Variants in MGST2 observed in about 807,000 individuals in gnomAD.
MGST2 encodes glutathione peroxidase MGST2.
Under a neutral mutation model 16.6 loss-of-function variants are expected in MGST2, and 9 were observed. The ratio of observed to expected loss-of-function variants is 0.54; its 90% CI spans 0.33 to 0.95. MGST2 has a LOEUF of 0.95. Ranked by LOEUF, MGST2 falls within the 40% of genes least tolerant of loss-of-function variation. The pLI is 0.03. For missense variants in MGST2, 159 were observed against 175.1 expected (o/e 0.91, Z 0.52); for synonymous variants, 79 against 68.0 (o/e 1.16, Z -0.79).
chr4:139,709,006 AAAAAAAAAAG>A (rs1158737528), downstream of MGST2, among the ~76,000 whole-genome samples: 1 of 150,348 alleles, frequency 6.7e-6, no homozygotes, highest in African/African-American at 2.4e-5. Flanking sequence ...TCTCAAAAAA[AAAAAAAAAAG>A]AAAAAGAAAA....
intron 1 of MGST2, among the ~76,000 whole-genome samples, chr4:139,667,280 G>T (rs1356398903): frequency 6.6e-6 from 1 of 152,092 alleles, no homozygotes; most frequent in Non-Finnish European, 1.5e-5. Flanking sequence ...ATGTCAGAAG[G>T]CAGCTTTAGG....
the MGST2 span, among the ~76,000 whole-genome samples, chr4:139,749,091 T>A: frequency 6.6e-6 from 1 of 152,168 alleles, no homozygotes; most frequent in Non-Finnish European, 1.5e-5. Flanking sequence ...TGGAAAAATA[T>A]ATTTCCTTCC....
At chr4:139,727,683 T>C (rs1301979014) in intron 5 of MGST2, among the ~76,000 whole-genome samples, 1 of 152,240 alleles carries the variant, frequency 6.6e-6, no homozygotes, top group Non-Finnish European at 1.5e-5. Context: ...TTTTGGAGAA[T>C]ACGGCATTAA....
intron 1 of MGST2, among the ~76,000 whole-genome samples, chr4:139,673,403 A>C (rs1730806062): frequency 6.7e-6 from 1 of 149,744 alleles, no homozygotes; most frequent in African/African-American, 2.5e-5. Flanking sequence ...CAAGGGTTTT[A>C]AAATTTTATT....
chr4:139,699,422 A>G (rs1393573009), intron 3 of MGST2, among the ~76,000 whole-genome samples: 1 of 152,212 alleles, frequency 6.6e-6, no homozygotes, highest in African/African-American at 2.4e-5. Flanking sequence ...AAATTTGCGT[A>G]TATTTTATGA....
At chr4:139,673,554 G>A (rs553759554) in intron 1 of MGST2, among the ~76,000 whole-genome samples, 1 of 152,238 alleles carries the variant, frequency 6.6e-6, no homozygotes, top group South Asian at 2.1e-4. Context: ...CTACAGGCGT[G>A]CACCATCACC....
At chr4:139,748,509 T>G in the MGST2 span, among the ~76,000 whole-genome samples, 1 of 151,790 alleles carries the variant, frequency 6.6e-6, no homozygotes, top group Non-Finnish European at 1.5e-5. Flanking sequence ...AATGCATCAG[T>G]GGAAATGAGT....
intron 3 of MGST2, among the ~76,000 whole-genome samples, chr4:139,702,239 A>G (rs533380081): frequency 4.6e-5 from 7 of 152,298 alleles, no homozygotes; most frequent in Middle Eastern, 3.4e-3. Flanking sequence ...TAAATCTTCA[A>G]TGAATGTTGA....
intron 2 of MGST2, among the ~76,000 whole-genome samples, chr4:139,693,666 C>T (rs534221546): frequency 4.6e-4 from 70 of 152,194 alleles, no homozygotes; most frequent in Non-Finnish European, 8.4e-4. Flanking sequence ...ATGCCAAGAA[C>T]GAGAAGCAGC....
intron 1 of MGST2, among the ~76,000 whole-genome samples, chr4:139,667,258 T>C (rs795599): frequency 0.58 from 87,738 of 151,902 alleles, 27,176 homozygotes; most frequent in East Asian, 0.86. Context: ...ACCTTTAGGC[T>C]GAACTTAAAA....
chr4:139,699,836 C>G (rs1727139518), intron 3 of MGST2, among the ~76,000 whole-genome samples: 1 of 152,084 alleles, frequency 6.6e-6, no homozygotes, highest in Non-Finnish European at 1.5e-5. Flanking sequence ...GCCAGAAATT[C>G]ACGACCAGCC....
At chr4:139,694,547 T>C (rs1726808801) in intron 2 of MGST2, among the ~76,000 whole-genome samples, 1 of 152,188 alleles carries the variant, frequency 6.6e-6, no homozygotes, top group South Asian at 2.1e-4. Context: ...TTAATTATAG[T>C]TCCCAGAGAA....
At chr4:139,730,430 TCTGCTG>T (rs3051167) in intron 5 of MGST2, 940 of 1,194,966 alleles carry the variant, frequency 7.9e-4, no homozygotes, top group Middle Eastern at 1.4e-3. Flanking sequence ...TCCGCCAAAA[TCTGCTG>T]CTGCTGCTGC....
rs980999980 is a variant in MGST2 at position 139,703,902 on chromosome 4, G to A, written c.312-114G>A. ...TGTGATGAGCTAAAATTTTCAAATT[G>A]CAAAAATATAGAAGTTCTGGACAGT... is the stretch of plus-strand genomic sequence containing the variant. On this transcript the variant is annotated intron_variant, in intron 4 of 4. Coordinates refer to ENST00000265498, the MANE Select transcript of MGST2 (RefSeq NM_002413.5). 10 of 1,395,688 alleles carry A rather than the reference G, an allele frequency of 7.2e-6. No individual in the cohort carries two copies. The African/African-American group carries it at 1.1e-4, about 16-fold the overall frequency. The allele number at this position is 1,395,688 out of a possible 1,614,324, so 86.5% of individuals were successfully genotyped here.
chr4:139,668,081 C>T (rs1228704223), intron 1 of MGST2, among the ~76,000 whole-genome samples: 1 of 152,058 alleles, frequency 6.6e-6, no homozygotes, highest in Non-Finnish European at 1.5e-5. Context: ...TCCCAAAAGG[C>T]GGGACAACTG....
chr4:139,683,915 TTG>T, intron 2 of MGST2, among the ~76,000 whole-genome samples: 1 of 148,184 alleles, frequency 6.7e-6, no homozygotes, highest in East Asian at 2.0e-4. Context: ...ACCATCAGTT[TTG>T]TGTTTTTTTT....
intron 1 of MGST2, among the ~76,000 whole-genome samples, chr4:139,675,728 G>A (rs1730925490): frequency 6.6e-6 from 1 of 152,192 alleles, no homozygotes; most frequent in Non-Finnish European, 1.5e-5. Context: ...GCGCCGGGGA[G>A]GATTTTCCTT....
At chr4:139,685,154 T>G (rs886663059) in intron 2 of MGST2, 1 of 152,404 alleles carries the variant, frequency 6.6e-6, no homozygotes, top group Admixed American at 6.5e-5. Context: ...GTGCTGTCTT[T>G]CCCGCAGAAT....
chr4:139,723,417 T>C (rs540458075), intron 5 of MGST2, among the ~76,000 whole-genome samples: 197 of 152,272 alleles, frequency 1.3e-3, no homozygotes, highest in African/African-American at 4.5e-3. Context: ...TTCAAGCAAT[T>C]CTCCTGCCCC....
Sources: gnomAD v4.1 joint callset for allele counts (sites outside exome capture counted in the v4.1 genomes callset) on GRCh38, gnomAD v4.1.1 for gene constraint, MANE v1.5 for transcripts, NCBI Gene and HGNC (gene_info 2026-07-23, HGNC 2026-07-21) for gene names.